Variants in MYH11 observed in about 807,000 individuals in gnomAD.
MYH11 encodes myosin heavy chain 11.
Under a neutral mutation model 246.6 loss-of-function variants are expected in MYH11, and 80 were observed. The ratio of observed to expected loss-of-function variants is 0.32; its 90% CI spans 0.27 to 0.39. MYH11 has a LOEUF of 0.39. Ranked by LOEUF, MYH11 falls within the 10% of genes least tolerant of loss-of-function variation. The probability of loss-of-function intolerance (pLI) is 1.00; values close to 1 mark genes in which losing one functional copy is unlikely to be tolerated. For missense variants in MYH11, 2,158 were observed against 2,546.8 expected, an observed-to-expected ratio of 0.85 and a Z score of 3.29; for synonymous variants, 1,071 against 1,015.5, an observed-to-expected ratio of 1.05 and a Z score of -1.04.
chr16:15,704,903 T>C (rs567652122), intron 40 of MYH11, among the ~76,000 whole-genome samples: 1 of 152,340 alleles, frequency 6.6e-6, no homozygotes, highest in South Asian at 2.1e-4. Flanking sequence ...GGTCTGGAAC[T>C]CCTGAGCTCA....
At chr16:15,745,962 G>C (rs1306798290) in intron 19 of MYH11, among the ~76,000 whole-genome samples, 1 of 152,100 alleles carries the variant, frequency 6.6e-6, no homozygotes, top group African/African-American at 2.4e-5. Flanking sequence ...TGCGGCCCAG[G>C]CTGGAGTGCA....
intron 3 of MYH11, among the ~76,000 whole-genome samples, chr16:15,820,515 A>C (rs1194951150): frequency 1.3e-5 from 2 of 152,184 alleles, no homozygotes; most frequent in Non-Finnish European, 2.9e-5. Flanking sequence ...GACAAAAGAA[A>C]GAAAAAGATT....
rs147646534 is a variant in MYH11, at chr16:15,769,906, T to C, written c.1033+1663A>G. 3.8e-3 allele frequency among the ~76,000 whole-genome samples: 573 copies of C among 152,230 alleles called. 5 individuals carry two copies. The highest frequency in any genetic ancestry group is 0.013 in the African/African-American group (554 of 41,550). On this transcript the variant is annotated intron_variant, in intron 9 of 40. Transcript: ENST00000300036. ...GAACTCCTGGGCTCAAGCAATCCTC[T>C]TGCCTCAGTGTCTCCAAATGCTGGG...
At chr16:15,753,245 G>A (rs1019078936) in intron 15 of MYH11, 149 bp downstream of exon 15, 9 of 740,270 alleles carry the variant, frequency 1.2e-5, no homozygotes, top group Admixed American at 4.1e-5. Context: ...TTGTTTCAAC[G>A]AGACATCACC....
intron 16 of MYH11, among the ~76,000 whole-genome samples, chr16:15,748,716 A>G (rs2151261731): frequency 6.6e-6 from 1 of 152,258 alleles, no homozygotes; most frequent in East Asian, 1.9e-4. Flanking sequence ...CCTGGGCTCA[A>G]GTGATCCTCC....
intron 2 of MYH11, among the ~76,000 whole-genome samples, chr16:15,836,391 TTGTC>T (rs1006641403): frequency 1.3e-5 from 2 of 152,188 alleles, no homozygotes; most frequent in Admixed American, 6.6e-5. Flanking sequence ...TTATTTTTTA[TTGTC>T]TTTTACTTAT....
At chr16:15,855,749 C>T (rs562326300) in intron 1 of MYH11, among the ~76,000 whole-genome samples, 9 of 152,278 alleles carry the variant, frequency 5.9e-5, no homozygotes, top group African/African-American at 1.9e-4. Context: ...TTCAGTTCAG[C>T]GTCAAGTTCC....
At chr16:15,759,549 G>A in intron 12 of MYH11, 27 bp downstream of exon 12, 1 of 1,614,012 alleles carries the variant, frequency 6.2e-7, no homozygotes, top group Non-Finnish European at 8.5e-7. Context: ...CCAAGACCAT[G>A]GCTCTTAGGA....
chr16:15,730,786 A>T (rs2151232850), intron 27 of MYH11, among the ~76,000 whole-genome samples: 1 of 152,240 alleles, frequency 6.6e-6, no homozygotes, highest in East Asian at 1.9e-4. Flanking sequence ...TAAAAAACTT[A>T]CCCTGGGGAA....
chr16:15,716,487 G>T (rs1018659132), intron 38 of MYH11, among the ~76,000 whole-genome samples: 2 of 152,100 alleles, frequency 1.3e-5, no homozygotes, highest in Non-Finnish European at 2.9e-5. Flanking sequence ...TACCAAATGG[G>T]CTGCCGGTTG....
At position 15,741,574 on chromosome 16, in the gene MYH11, C is replaced by G; in HGVS notation, c.2748G>C (p.Lys916Asn). ...AEEMRVRLAA[K>N]KQELEEILHE... ...GCAGTATCTCCTCCAGCTCCTGCTT[C>G]TTGGCCGCCAGCCGCACCCGCATCT... The change falls in exon 22 of 41, where the codon AAG (lysine) becomes AAC (asparagine). Residue 916 changes from lysine (K) to asparagine (N), a missense_variant. Physicochemically the swap from Lys to Asn is moderately conservative, Grantham distance 94. Around this residue, in one of 11 missense-constraint regions of MYH11, gnomAD observed 284 missense variants for 315.4 expected, o/e 0.90. Coordinates refer to ENST00000300036, the MANE Select transcript of MYH11 (RefSeq NM_002474.3). 6.2e-7 allele frequency: 1 copy of G among 1,611,966 alleles called. No homozygotes were observed. The highest frequency in any genetic ancestry group is 8.5e-7 in the Non-Finnish European group (1 of 1,180,016).
At chr16:15,820,169 C>T (rs1397581462) in intron 3 of MYH11, among the ~76,000 whole-genome samples, 3 of 152,108 alleles carry the variant, frequency 2.0e-5, no homozygotes, top group African/African-American at 7.2e-5. Context: ...ATGGTAAAGC[C>T]CCATCTCTAC....
At chr16:15,733,062 T>C (rs1361419844) in intron 26 of MYH11, 1 of 359,114 alleles carries the variant, frequency 2.8e-6, no homozygotes, top group Non-Finnish European at 5.2e-6. Flanking sequence ...AAGTTTTTTA[T>C]ATACATCATC....
chr16:15,828,502 A>G (rs1275577512), intron 2 of MYH11, among the ~76,000 whole-genome samples: 1 of 152,146 alleles, frequency 6.6e-6, no homozygotes, highest in African/African-American at 2.4e-5. Flanking sequence ...CACCCCGCAC[A>G]GTGCCAGGGA....
chr16:15,752,119 A>C (rs2041589413), intron 15 of MYH11, among the ~76,000 whole-genome samples: 1 of 151,388 alleles, frequency 6.6e-6, no homozygotes, highest in South Asian at 2.1e-4. Flanking sequence ...CTTGTCTTTG[A>C]GAGTCTCATC....
At chr16:15,761,800 T>G (rs551469052) in intron 10 of MYH11, among the ~76,000 whole-genome samples, 56 of 152,250 alleles carry the variant, frequency 3.7e-4, no homozygotes, top group African/African-American at 1.3e-3. Context: ...TTTGCCAGAT[T>G]TAGGGACTCT....
At chr16:15,761,655 A>G (rs2041870145) in intron 10 of MYH11, among the ~76,000 whole-genome samples, 1 of 152,104 alleles carries the variant, frequency 6.6e-6, no homozygotes, top group South Asian at 2.1e-4. Context: ...TGAAAATAGC[A>G]TTACATGCTG....
chr16:15,779,224 G>C (rs908774916), intron 6 of MYH11: 1 of 353,248 alleles, frequency 2.8e-6, no homozygotes, highest in Non-Finnish European at 5.5e-6. Context: ...TGAACTCCTG[G>C]GCTCAAGCAA....
intron 20 of MYH11, among the ~76,000 whole-genome samples, chr16:15,742,741 A>AT (rs2041309873): frequency 6.6e-6 from 1 of 151,838 alleles, no homozygotes; most frequent in Admixed American, 6.6e-5. Flanking sequence ...CACAAATAAA[A>AT]TTTTTTTAAA....
Sources: gnomAD v4.1 joint callset for allele counts (sites outside exome capture counted in the v4.1 genomes callset) on GRCh38, gnomAD v4.1.1 for gene constraint, gnomAD v4.1.1 regional missense constraint, MANE v1.5 for transcripts, NCBI Gene and HGNC (gene_info 2026-07-23, HGNC 2026-07-21) for gene names.